GRM5: variants seen among roughly 807,000 people sequenced by gnomAD.
GRM5 encodes the protein metabotropic glutamate receptor 5.
Under a neutral mutation model 83.1 loss-of-function variants are expected in GRM5, and 19 were observed. The ratio of observed to expected loss-of-function variants is 0.23; its 90% CI spans 0.16 to 0.34. GRM5 has a LOEUF of 0.34. GRM5 is among the 10% of genes least tolerant of loss of function. The probability of loss-of-function intolerance (pLI) is 1.00; values close to 1 mark genes in which losing one functional copy is unlikely to be tolerated. For synonymous variants in GRM5, 675 were observed against 633.6 expected (o/e 1.07, Z -0.98); for missense variants, 1,160 against 1,588.3 (o/e 0.73, Z 4.58).
intron 2 of GRM5, among the ~76,000 whole-genome samples, chr11:88,891,053 G>T (rs1945136113): frequency 6.6e-6 from 1 of 152,020 alleles, no homozygotes; most frequent in South Asian, 2.1e-4. Flanking sequence ...ACTGAGCATT[G>T]AAATAAAAGC....
intron 3 of GRM5, among the ~76,000 whole-genome samples, chr11:88,822,453 G>A (rs1439230434): frequency 6.6e-6 from 1 of 152,120 alleles, no homozygotes; most frequent in Non-Finnish European, 1.5e-5. Context: ...CTGAGGAAGT[G>A]ACATCTACAC....
intron 3 of GRM5, among the ~76,000 whole-genome samples, chr11:88,667,629 C>T (rs1330466670): frequency 6.6e-6 from 1 of 152,150 alleles, no homozygotes; most frequent in Non-Finnish European, 1.5e-5. Context: ...CGCAGTGGCT[C>T]ACGCCTGTAA....
chr11:88,779,564 A>G (rs2135461173), intron 3 of GRM5, among the ~76,000 whole-genome samples: 1 of 152,274 alleles, frequency 6.6e-6, no homozygotes, highest in African/African-American at 2.4e-5. Context: ...CAGAAACAAG[A>G]GGAAATGACA....
At chr11:88,618,888 T>A (rs1350015420) in intron 4 of GRM5, among the ~76,000 whole-genome samples, 1 of 152,158 alleles carries the variant, frequency 6.6e-6, no homozygotes, top group African/African-American at 2.4e-5. Flanking sequence ...AGCCATGAGG[T>A]TCTGTACTAA....
At chr11:88,915,561 A>G (rs1402601345) in intron 2 of GRM5, among the ~76,000 whole-genome samples, 1 of 123,288 alleles carries the variant, frequency 8.1e-6, no homozygotes, top group African/African-American at 2.5e-5. Context: ...CAAAGGTCAT[A>G]TATTCTCTCA....
At chr11:88,954,612 T>G (rs1938553926) in intron 2 of GRM5, among the ~76,000 whole-genome samples, 1 of 152,226 alleles carries the variant, frequency 6.6e-6, no homozygotes, top group Non-Finnish European at 1.5e-5. Flanking sequence ...ATTGAGTACT[T>G]GAAATGTGGC....
intron 2 of GRM5, among the ~76,000 whole-genome samples, chr11:88,946,639 G>C (rs193284186): frequency 1.3e-5 from 2 of 152,048 alleles, no homozygotes; most frequent in African/African-American, 4.8e-5. Flanking sequence ...TAACGATGGC[G>C]ATAATAGAAA....
In GRM5 at chr11:88,663,416, A is replaced by G. The variant is rs777550548; in HGVS notation, c.912-10013T>C. Among the ~76,000 whole-genome samples, 14 of 152,144 alleles carry G rather than the reference A, an allele frequency of 9.2e-5. No individual in the cohort carries two copies. In the South Asian group the frequency reaches 2.9e-3, roughly 32 times the overall value. On this transcript the variant is annotated intron_variant, in intron 3 of 9. Coordinates refer to ENST00000305447, the MANE Select transcript of GRM5 (RefSeq NM_001143831.3). ...GATTGATTACATTGTGTGTTACCCA[A>G]TCTTTTGTTTCTCTCATCATATTAT...
At chr11:88,865,404 T>A (rs1055332853) in intron 2 of GRM5, among the ~76,000 whole-genome samples, 1 of 152,124 alleles carries the variant, frequency 6.6e-6, no homozygotes, top group Non-Finnish European at 1.5e-5. Context: ...TTTACAAAAA[T>A]TAATTCAAGA....
chr11:89,006,486 T>C (rs1940528264), intron 2 of GRM5, among the ~76,000 whole-genome samples: 1 of 152,120 alleles, frequency 6.6e-6, no homozygotes, highest in African/African-American at 2.4e-5. Flanking sequence ...AGAACCTAAA[T>C]GCACACCAGA....
chr11:88,922,751 C>G (rs1424399873), intron 2 of GRM5, among the ~76,000 whole-genome samples: 1 of 152,030 alleles, frequency 6.6e-6, no homozygotes, highest in Non-Finnish European at 1.5e-5. Flanking sequence ...TTAAAAATCT[C>G]CTTCACAGCA....
intron 8 of GRM5, among the ~76,000 whole-genome samples, chr11:88,558,799 CAAAAAAAA>C (rs71265014): frequency 9.1e-5 from 2 of 21,908 alleles, no homozygotes; most frequent in African/African-American, 2.6e-4. Flanking sequence ...GACTCCATCT[CAAAAAAAA>C]AAAAAAAAAA....
chr11:88,643,452 A>G (rs1428064477), intron 4 of GRM5, among the ~76,000 whole-genome samples: 2 of 152,186 alleles, frequency 1.3e-5, no homozygotes, highest in African/African-American at 2.4e-5. Context: ...TATCCAAACT[A>G]TATCAGCCTT....
Position 88,750,828 on chromosome 11 carries a change from G to T in GRM5, c.912-97425C>A, listed in dbSNP as rs573744813. On this transcript the variant is annotated intron_variant, in intron 3 of 9. Coordinates refer to ENST00000305447, the MANE Select transcript of GRM5 (RefSeq NM_001143831.3). ...ACAACCTCTTCCAGAATGACTCTTG[G>T]GTAAATAATGAAATTAAGGCAGACA... Among the ~76,000 whole-genome samples, 7 of 151,980 alleles carry T rather than the reference G, an allele frequency of 4.6e-5. No homozygotes were observed. The South Asian group carries it at 1.5e-3, about 32-fold the overall frequency.
chr11:88,620,634 G>A (rs905646), intron 4 of GRM5, among the ~76,000 whole-genome samples: 103,046 of 152,050 alleles, frequency 0.68, 41,077 homozygotes, highest in Non-Finnish European at 0.9. Flanking sequence ...GGGCTTGGGC[G>A]GTGACTGGTG....
chr11:88,895,903 C>T (rs953174520), intron 2 of GRM5, among the ~76,000 whole-genome samples: 12 of 151,814 alleles, frequency 7.9e-5, no homozygotes, highest in African/African-American at 2.4e-4. Flanking sequence ...AGTTTAAAAA[C>T]GTATGTTTAC....
intron 2 of GRM5, among the ~76,000 whole-genome samples, chr11:88,941,289 G>C (rs1002310009): frequency 3.3e-5 from 5 of 151,068 alleles, no homozygotes; most frequent in African/African-American, 7.3e-5. Context: ...AACAAAACTG[G>C]AACACTCTGA....
intron 3 of GRM5, among the ~76,000 whole-genome samples, chr11:88,809,265 T>C (rs1275861519): frequency 1.3e-5 from 2 of 152,028 alleles, no homozygotes; most frequent in East Asian, 1.9e-4. Flanking sequence ...TTTCTTATGT[T>C]TCATCAGACT....
chr11:89,060,897 C>T (rs1356754516), intron 1 of GRM5, among the ~76,000 whole-genome samples: 9 of 152,170 alleles, frequency 5.9e-5, no homozygotes, highest in African/African-American at 1.9e-4. Flanking sequence ...TCTTTTGATG[C>T]TCATGTCTTC....
Sources: gnomAD v4.1 joint callset for allele counts (sites outside exome capture counted in the v4.1 genomes callset) on GRCh38, gnomAD v4.1.1 for gene constraint, MANE v1.5 for transcripts, NCBI Gene and HGNC (gene_info 2026-07-23, HGNC 2026-07-21) for gene names.